SDK2: variants seen among roughly 807,000 people sequenced by gnomAD.
SDK2 encodes the protein sidekick cell adhesion molecule 2.
A neutral mutation model predicts 253.9 loss-of-function variants in SDK2; 105 were observed. The observed-to-expected ratio is 0.41, with a 90% CI of 0.35 to 0.49. SDK2 has a LOEUF of 0.49. Among genes scored for constraint, SDK2 ranks in the 20% least tolerant of loss-of-function variants. The pLI is 0.06. For synonymous variants in SDK2, 1,249 were observed against 1,234.9 expected, an observed-to-expected ratio of 1.01 and a Z score of -0.24; for missense variants, 2,608 against 3,003.0, an observed-to-expected ratio of 0.87 and a Z score of 3.07.
chr17:73,559,970 G>A (rs2045207549), intron 1 of SDK2, among the ~76,000 whole-genome samples: 1 of 152,142 alleles, frequency 6.6e-6, no homozygotes, highest in Non-Finnish European at 1.5e-5. Flanking sequence ...AGTCACCCCT[G>A]GGAGGGATGG....
chr17:73,573,348 T>C (rs1053225755), intron 1 of SDK2, among the ~76,000 whole-genome samples: 1 of 152,142 alleles, frequency 6.6e-6, no homozygotes, highest in African/African-American at 2.4e-5. Flanking sequence ...ATCAGCTTCC[T>C]GCCTCACTGC....
rs939130877 is a variant in SDK2 at position 73,534,873 on chromosome 17, G to A, written c.65-27276C>T. On this transcript the variant is annotated intron_variant, in intron 1 of 44. Coordinates refer to ENST00000392650, the MANE Select transcript of SDK2 (RefSeq NM_001144952.2). The surrounding 1 kb of genome is among the most constrained non-coding windows in gnomAD (Gnocchi z 4.9). ...CTTTGCATCTTCTAGGCCTCCTTGTGGGGATACTGGATACTCTGCGATCGG... is the reference window on the plus strand; with the variant it reads ...CTTTGCATCTTCTAGGCCTCCTTGTAGGGATACTGGATACTCTGCGATCGG... Among the ~76,000 whole-genome samples the A allele has an allele frequency of 3.3e-5, 5 of 152,136 alleles. No individual in the cohort carries two copies. Among genetic ancestry groups the A allele is most frequent in the African/African-American group, 1.2e-4 (5 of 41,440 alleles).
chr17:73,404,304 T>C (rs2063053416), intron 18 of SDK2, among the ~76,000 whole-genome samples: 1 of 152,094 alleles, frequency 6.6e-6, no homozygotes, highest in South Asian at 2.1e-4. Flanking sequence ...GGAGGAGGCT[T>C]GGGGATAGGA....
At chr17:73,479,663 T>C (rs1308618278) in intron 2 of SDK2, among the ~76,000 whole-genome samples, 1 of 152,240 alleles carries the variant, frequency 6.6e-6, no homozygotes, top group Admixed American at 6.5e-5. Context: ...CACATTGCTG[T>C]AATTGTATTT....
At chr17:73,437,865 G>A (rs191213801) in intron 7 of SDK2, 43 bp from the exon 8 acceptor site, 109 of 1,609,694 alleles carry the variant, frequency 6.8e-5, no homozygotes, top group Non-Finnish European at 8.5e-5. Context: ...AGCCATGCTC[G>A]CTTTGATCCA....
intron 44 of SDK2, among the ~76,000 whole-genome samples, chr17:73,343,644 C>T (rs1022884947): frequency 9.9e-5 from 15 of 152,156 alleles, no homozygotes; most frequent in Admixed American, 4.6e-4. Context: ...CTGGGGTCTG[C>T]GGAGGGGGAG....
chr17:73,620,643 C>T (rs1266497543), intron 1 of SDK2, among the ~76,000 whole-genome samples: 1 of 152,132 alleles, frequency 6.6e-6, no homozygotes, highest in Non-Finnish European at 1.5e-5. Flanking sequence ...AACAAGTGCA[C>T]GTGGCATATA....
intron 44 of SDK2, among the ~76,000 whole-genome samples, chr17:73,346,397 A>T (rs1462194514): frequency 6.6e-6 from 1 of 151,186 alleles, no homozygotes; most frequent in East Asian, 1.9e-4. Context: ...CTTGTGTGCT[A>T]AGTATATACA....
intron 8 of SDK2, among the ~76,000 whole-genome samples, chr17:73,436,192 C>T (rs376810021): frequency 6.6e-5 from 10 of 152,152 alleles, no homozygotes; most frequent in African/African-American, 1.7e-4. Context: ...CTGGGGGGCA[C>T]TTGGAAGCCC....
intron 36 of SDK2, among the ~76,000 whole-genome samples, chr17:73,370,353 C>A (rs1278766620): frequency 6.6e-6 from 1 of 152,172 alleles, no homozygotes; most frequent in Middle Eastern, 3.2e-3. Flanking sequence ...AGCCATCCTC[C>A]CACCTCAGCC....
intron 8 of SDK2, among the ~76,000 whole-genome samples, chr17:73,436,231 AAGG>A (rs2063367306): frequency 6.6e-6 from 1 of 152,060 alleles, no homozygotes; most frequent in South Asian, 2.1e-4. Flanking sequence ...ATGGAGGTGA[AAGG>A]AGGAGGCTCC....
At chr17:73,341,603 C>A (rs1177549064) in intron 44 of SDK2, among the ~76,000 whole-genome samples, 2 of 152,156 alleles carry the variant, frequency 1.3e-5, no homozygotes, top group Non-Finnish European at 2.9e-5. Flanking sequence ...AGCCAGTTAG[C>A]CCAATCCAGA....
chr17:73,370,785 C>T (rs1310333005), intron 36 of SDK2, among the ~76,000 whole-genome samples: 7 of 151,818 alleles, frequency 4.6e-5, no homozygotes, highest in East Asian at 1.9e-4. Context: ...GGGAGAGGGC[C>T]GGGTGCAGCG....
At chr17:73,448,692 C>T (rs2063471205) in intron 4 of SDK2, among the ~76,000 whole-genome samples, 1 of 149,304 alleles carries the variant, frequency 6.7e-6, no homozygotes, top group Non-Finnish European at 1.5e-5. Flanking sequence ...CAGAGTTTTG[C>T]TCTTGTTACC....
At chr17:73,415,770 T>C in intron 17 of SDK2, 41 bp downstream of exon 17, 2 of 1,520,078 alleles carry the variant, frequency 1.3e-6, no homozygotes, top group Non-Finnish European at 1.8e-6. Context: ...ATTACACGCA[T>C]GAGCCACCGC....
At position 73,352,273 on chromosome 17, in the gene SDK2, C is replaced by A. The variant is rs2062545315; in HGVS notation, c.5758+200G>T. Among the ~76,000 whole-genome samples the A allele has an allele frequency of 6.6e-6, 1 of 152,174 alleles. No homozygotes were observed. The highest frequency in any genetic ancestry group is 6.5e-5 in the Admixed American group (1 of 15,282). ...AAGGGAGCCCCAAAGATGAAGATCC[C>A]TAGTTTCCTCTGGTCTTGAGGGCTG... On this transcript the variant is annotated intron_variant, in intron 41 of 44. Transcript: ENST00000392650. The surrounding 1 kb of genome is among the most constrained non-coding windows in gnomAD (Gnocchi z 4.1).
At position 73,467,413 on chromosome 17, in the gene SDK2, T is replaced by C. The variant is rs1331737757; in HGVS notation, c.331+4699A>G. On this transcript the variant is annotated intron_variant, in intron 3 of 44. Transcript: ENST00000392650. The surrounding 1 kb of genome is among the most constrained non-coding windows in gnomAD (Gnocchi z 4.1). ...GGTTTCCTCATCTGTAACATGGAGA[T>C]GGGGACTTGCACTCTGCAGGCTGGG... is the stretch of plus-strand genomic sequence containing the variant. Among the ~76,000 whole-genome samples the C allele has an allele frequency of 6.6e-6, 1 of 152,078 alleles. No individual in the cohort carries two copies. Among genetic ancestry groups the C allele is most frequent in the Non-Finnish European group, 1.5e-5 (1 of 68,004 alleles).
At chr17:73,603,133 G>A (rs1365909302) in intron 1 of SDK2, among the ~76,000 whole-genome samples, 1 of 152,184 alleles carries the variant, frequency 6.6e-6, no homozygotes, top group Non-Finnish European at 1.5e-5. Context: ...TGCAGACAGT[G>A]TCACATGTCC....
At chr17:73,556,611 T>C (rs71380183) in intron 1 of SDK2, among the ~76,000 whole-genome samples, 4,182 of 152,356 alleles carry the variant, frequency 0.027, 90 homozygotes, top group Non-Finnish European at 0.043. Flanking sequence ...TGAATTCTTA[T>C]GCGGCTGTTG....
Sources: allele counts gnomAD v4.1 joint callset (sites outside exome capture counted in the v4.1 genomes callset), GRCh38; gene constraint gnomAD v4.1.1; non-coding constraint Gnocchi (gnomAD v3.1); transcripts MANE v1.5; gene names NCBI Gene and HGNC (gene_info 2026-07-23, HGNC 2026-07-21).